GALNTL6: variants seen among roughly 807,000 people sequenced by gnomAD.
GALNTL6 encodes the protein polypeptide N-acetylgalactosaminyltransferase-like 6.
A neutral mutation model predicts 73.7 loss-of-function variants in GALNTL6; 46 were observed. The ratio of observed to expected loss-of-function variants is 0.62; its 90% CI spans 0.49 to 0.80. The LOEUF is 0.80. Among genes scored for constraint, GALNTL6 ranks in the 30% least tolerant of loss-of-function variants. The pLI is 0.00. For synonymous variants in GALNTL6, 259 were observed against 263.7 expected (o/e 0.98, Z 0.17); for missense variants, 604 against 755.0 (o/e 0.80, Z 2.34).
At chr4:172,657,532 AT>A (rs1731098031) in intron 5 of GALNTL6, among the ~76,000 whole-genome samples, 1 of 152,156 alleles carries the variant, frequency 6.6e-6, no homozygotes, top group Non-Finnish European at 1.5e-5. Flanking sequence ...TGAAAACTAA[AT>A]TTTTTGTTTC....
At chr4:172,221,654 T>C (rs1393748827) in intron 2 of GALNTL6, among the ~76,000 whole-genome samples, 1 of 151,786 alleles carries the variant, frequency 6.6e-6, no homozygotes, top group Non-Finnish European at 1.5e-5. Flanking sequence ...TGTAGGATGC[T>C]GATCTTTTCA....
At chr4:172,757,424 GT>G (rs1737815500) in intron 5 of GALNTL6, among the ~76,000 whole-genome samples, 2 of 152,146 alleles carry the variant, frequency 1.3e-5, no homozygotes, top group African/African-American at 2.4e-5. Flanking sequence ...ATAGGATTTG[GT>G]AACAGCCCTG....
At chr4:172,325,312 T>A (rs1169713289) in intron 4 of GALNTL6, among the ~76,000 whole-genome samples, 1 of 151,984 alleles carries the variant, frequency 6.6e-6, no homozygotes. Context: ...TCTGTGGAAC[T>A]ATAAAACATT....
intron 11 of GALNTL6, among the ~76,000 whole-genome samples, chr4:173,009,782 G>A (rs1752463591): frequency 6.6e-6 from 1 of 152,194 alleles, no homozygotes; most frequent in Non-Finnish European, 1.5e-5. Flanking sequence ...TGTGAAGGAT[G>A]TAAGCAACAG....
intron 2 of GALNTL6, among the ~76,000 whole-genome samples, chr4:172,113,631 A>G (rs1173603093): frequency 6.6e-6 from 1 of 152,108 alleles, no homozygotes; most frequent in African/African-American, 2.4e-5. Context: ...ACATGTTTAT[A>G]CAGCTTGAGC....
chr4:172,895,989 C>T (rs977345553), intron 8 of GALNTL6, among the ~76,000 whole-genome samples: 7 of 152,122 alleles, frequency 4.6e-5, no homozygotes, highest in Non-Finnish European at 8.8e-5. Flanking sequence ...TCAATCTCTC[C>T]GTTAAATTTC....
intron 8 of GALNTL6, among the ~76,000 whole-genome samples, chr4:172,917,641 T>A (rs1267311781): frequency 6.6e-6 from 1 of 152,072 alleles, no homozygotes; most frequent in Non-Finnish European, 1.5e-5. Flanking sequence ...AACAGACACA[T>A]GAAAAAATGC....
At position 172,377,723 on chromosome 4, in the gene GALNTL6, C is replaced by T. The variant is rs530201390; in HGVS notation, c.553+29034C>T. Among the ~76,000 whole-genome samples, 13 of 152,248 alleles carry T rather than the reference C, an allele frequency of 8.5e-5. No individual in the cohort carries two copies. In the South Asian group the frequency reaches 1.0e-3, roughly 12 times the overall value. On this transcript the variant is annotated intron_variant, in intron 5 of 12. Coordinates refer to ENST00000506823, the MANE Select transcript of GALNTL6 (RefSeq NM_001034845.3). ...GCCTGGCAAGAATTCTAGTGCGGCA[C>T]GGGTAGGCTGGCAGTGCTGGGGTAC... is the stretch of plus-strand genomic sequence containing the variant.
At chr4:172,843,327 C>T (rs2111088550) in intron 7 of GALNTL6, among the ~76,000 whole-genome samples, 1 of 152,286 alleles carries the variant, frequency 6.6e-6, no homozygotes, top group Non-Finnish European at 1.5e-5. Context: ...ATTGCAGAAT[C>T]CCAGTCCCCA....
At chr4:171,948,427 A>T (rs1034982702) in intron 2 of GALNTL6, among the ~76,000 whole-genome samples, 1 of 152,190 alleles carries the variant, frequency 6.6e-6, no homozygotes, top group African/African-American at 2.4e-5. Flanking sequence ...CATGTGCGTA[A>T]ATAAAGCTGG....
At chr4:171,936,139 C>T (rs764320410) in intron 2 of GALNTL6, among the ~76,000 whole-genome samples, 2 of 152,110 alleles carry the variant, frequency 1.3e-5, no homozygotes, top group African/African-American at 4.8e-5. Flanking sequence ...AACAAAGTAA[C>T]GTGCATACTA....
At chr4:171,976,779 G>A (rs1351114255) in intron 2 of GALNTL6, among the ~76,000 whole-genome samples, 1 of 152,130 alleles carries the variant, frequency 6.6e-6, no homozygotes, top group African/African-American at 2.4e-5. Flanking sequence ...GTGAATGAAA[G>A]GTTTGGAAAA....
At chr4:172,431,648 C>G (rs1188989309) in intron 5 of GALNTL6, among the ~76,000 whole-genome samples, 3 of 151,960 alleles carry the variant, frequency 2.0e-5, no homozygotes, top group Non-Finnish European at 4.4e-5. Flanking sequence ...AAATGGTCTT[C>G]CAGCTAAATG....
intron 2 of GALNTL6, among the ~76,000 whole-genome samples, chr4:171,958,521 A>G (rs1173422778): frequency 6.6e-6 from 1 of 152,198 alleles, no homozygotes; most frequent in African/African-American, 2.4e-5. Context: ...TTCACAAAAT[A>G]TTGAAAATAA....
At chr4:171,862,946 C>A (rs530325390) in intron 2 of GALNTL6, among the ~76,000 whole-genome samples, 2 of 152,082 alleles carry the variant, frequency 1.3e-5, no homozygotes, top group African/African-American at 4.8e-5. Context: ...TTTCAAAATG[C>A]ATATTGTGAA....
At chr4:171,975,670 G>A (rs1739699817) in intron 2 of GALNTL6, among the ~76,000 whole-genome samples, 1 of 152,116 alleles carries the variant, frequency 6.6e-6, no homozygotes, top group Non-Finnish European at 1.5e-5. Flanking sequence ...ACAAGCATTT[G>A]AAAATCAGTG....
intron 5 of GALNTL6, among the ~76,000 whole-genome samples, chr4:172,493,462 A>G (rs369209432): frequency 1.3e-5 from 2 of 152,238 alleles, no homozygotes; most frequent in African/African-American, 4.8e-5. Context: ...GGACAATTAC[A>G]TTGCATGACC....
intron 5 of GALNTL6, among the ~76,000 whole-genome samples, chr4:172,759,076 C>T (rs900669651): frequency 3.9e-5 from 6 of 152,144 alleles, no homozygotes; most frequent in African/African-American, 1.2e-4. Flanking sequence ...ACTGGTGTAG[C>T]TCTGAGCCTT....
rs111318248 is a variant in GALNTL6, at chr4:172,825,709, CA to C, written c.923+11995del. Among the ~76,000 whole-genome samples the C allele has an allele frequency of 2.0e-3, 297 of 150,756 alleles. 1 individual carries two copies. The highest frequency in any genetic ancestry group is 6.2e-3 in the African/African-American group (254 of 41,288). ...GAAAGAATGATTACATCACAAGCCA[CA>C]AAAAAAAAGAAAGCAGGTTTGAATA... is the stretch of plus-strand genomic sequence containing the variant. On this transcript the variant is annotated intron_variant, in intron 7 of 12. Transcript: ENST00000506823.
Sources: gnomAD v4.1 joint callset for allele counts (sites outside exome capture counted in the v4.1 genomes callset) on GRCh38, gnomAD v4.1.1 for gene constraint, MANE v1.5 for transcripts, NCBI Gene and HGNC (gene_info 2026-07-23, HGNC 2026-07-21) for gene names.